Variants in ANKS1B observed in about 807,000 individuals in gnomAD.
ANKS1B encodes ankyrin repeat and sterile alpha motif domain-containing protein 1B.
ANKS1B carries 36 observed loss-of-function variants against 148.3 expected under a neutral mutation model. That is an observed-to-expected ratio of 0.24 (90% CI 0.19 to 0.32). The LOEUF (loss-of-function observed/expected upper bound fraction) is 0.32. Among genes scored for constraint, ANKS1B ranks in the 10% least tolerant of loss-of-function variants. The probability of loss-of-function intolerance (pLI) is 1.00; values close to 1 mark genes in which losing one functional copy is unlikely to be tolerated. For synonymous variants in ANKS1B, 542 were observed against 560.8 expected (o/e 0.97, Z 0.47); for missense variants, 1,157 against 1,542.6 (o/e 0.75, Z 4.19).
At chr12:99,847,341 T>C (rs2086846672) in intron 1 of ANKS1B, among the ~76,000 whole-genome samples, 1 of 152,122 alleles carries the variant, frequency 6.6e-6, no homozygotes, top group Non-Finnish European at 1.5e-5. Flanking sequence ...CCATAAAAAA[T>C]AGAATTCCTC....
chr12:98,872,372 C>G (rs2099673210), intron 17 of ANKS1B, among the ~76,000 whole-genome samples: 1 of 152,078 alleles, frequency 6.6e-6, no homozygotes, highest in South Asian at 2.1e-4. Flanking sequence ...AACCCTGTCT[C>G]TACTAAAAAT....
chr12:99,818,630 G>A (rs2082154315), intron 2 of ANKS1B, among the ~76,000 whole-genome samples: 1 of 151,426 alleles, frequency 6.6e-6, no homozygotes, highest in African/African-American at 2.4e-5. Context: ...TGGTTGACAA[G>A]AAAATAGAAA....
At chr12:99,453,213 C>T (rs564823872) in intron 10 of ANKS1B, among the ~76,000 whole-genome samples, 4 of 151,996 alleles carry the variant, frequency 2.6e-5, no homozygotes, top group Non-Finnish European at 5.9e-5. Context: ...TGGTGTGAAC[C>T]CGGGAAGCAG....
intron 17 of ANKS1B, among the ~76,000 whole-genome samples, chr12:99,038,326 C>A (rs1185596219): frequency 6.6e-6 from 1 of 152,152 alleles, no homozygotes; most frequent in Non-Finnish European, 1.5e-5. Flanking sequence ...TTCCACCGAT[C>A]CTTAATTCCT....
chr12:99,846,959 T>G (rs2086770653), intron 1 of ANKS1B, among the ~76,000 whole-genome samples: 1 of 152,088 alleles, frequency 6.6e-6, no homozygotes, highest in Non-Finnish European at 1.5e-5. Context: ...CTTCCCAAAG[T>G]TCACAGAAAG....
chr12:99,650,358 G>GAC (rs1555528830), intron 9 of ANKS1B, among the ~76,000 whole-genome samples: 1 of 90,422 alleles, frequency 1.1e-5, no homozygotes, highest in African/African-American at 3.6e-5. Flanking sequence ...TTAACTGTGA[G>GAC]TTTCAGTAGA....
intron 12 of ANKS1B, among the ~76,000 whole-genome samples, chr12:99,305,743 T>C (rs1471324032): frequency 6.6e-6 from 1 of 152,086 alleles, no homozygotes; most frequent in Non-Finnish European, 1.5e-5. Flanking sequence ...GAGCCTAGAA[T>C]CAAAGAAGCC....
chr12:99,080,144 G>A (rs758265221), intron 16 of ANKS1B, among the ~76,000 whole-genome samples: 2 of 152,204 alleles, frequency 1.3e-5, no homozygotes, highest in Non-Finnish European at 2.9e-5. Context: ...TTGCTTGGCC[G>A]CCTTGCAATA....
intron 12 of ANKS1B, among the ~76,000 whole-genome samples, chr12:99,270,882 G>A (rs566818343): frequency 5.9e-4 from 89 of 152,032 alleles, no homozygotes; most frequent in Non-Finnish European, 8.2e-4. Context: ...TTTAATATGC[G>A]TTAAAACAAA....
intron 8 of ANKS1B, among the ~76,000 whole-genome samples, chr12:99,770,778 A>G (rs2063119240): frequency 6.6e-6 from 1 of 152,036 alleles, no homozygotes; most frequent in South Asian, 2.1e-4. Flanking sequence ...TGTAAACTCT[A>G]TTCTTCCAAA....
chr12:98,950,232 C>T (rs77056082), intron 17 of ANKS1B, among the ~76,000 whole-genome samples: 17,128 of 152,156 alleles, frequency 0.11, 1,229 homozygotes, highest in African/African-American at 0.19. Flanking sequence ...TATAGTGGCT[C>T]ATGCCTGTAA....
intron 12 of ANKS1B, among the ~76,000 whole-genome samples, chr12:99,391,297 G>A (rs1456663558): frequency 6.6e-6 from 1 of 152,106 alleles, no homozygotes; most frequent in African/African-American, 2.4e-5. Context: ...TTGCTCTTAG[G>A]ATAAATACCA....
intron 17 of ANKS1B, among the ~76,000 whole-genome samples, chr12:98,957,236 G>T (rs866575269): frequency 2.6e-5 from 4 of 152,024 alleles, no homozygotes; most frequent in South Asian, 2.1e-4. Flanking sequence ...ATAAGCAATT[G>T]TTAACTTGCT....
intron 14 of ANKS1B, among the ~76,000 whole-genome samples, chr12:99,225,084 T>C (rs940607510): frequency 1.3e-5 from 2 of 152,146 alleles, no homozygotes; most frequent in Non-Finnish European, 2.9e-5. Flanking sequence ...AGAAAAGTCT[T>C]TACAGAAGCA....
At chr12:99,648,167 A>AT in intron 9 of ANKS1B, 1 of 1,592,190 alleles carries the variant, frequency 6.3e-7, no homozygotes, top group Non-Finnish European at 8.6e-7. Context: ...CTTGATTTAA[A>AT]GGAAGACATG....
chr12:99,522,562 G>C (rs2096885462), intron 9 of ANKS1B, among the ~76,000 whole-genome samples: 1 of 152,146 alleles, frequency 6.6e-6, no homozygotes, highest in African/African-American at 2.4e-5. Flanking sequence ...AACTATCAGT[G>C]GTGGGCAGAA....
At chr12:98,906,232 T>G (rs759717488) in intron 17 of ANKS1B, among the ~76,000 whole-genome samples, 2 of 152,178 alleles carry the variant, frequency 1.3e-5, no homozygotes, top group Non-Finnish European at 2.9e-5. Context: ...AATCACTGAA[T>G]GCTCTTATAA....
At chr12:99,786,251 C>A (rs1301812116) in intron 4 of ANKS1B, among the ~76,000 whole-genome samples, 1 of 152,096 alleles carries the variant, frequency 6.6e-6, no homozygotes, top group East Asian at 1.9e-4. Flanking sequence ...AAATAGAATT[C>A]CCCACAGCCT....
At chr12:99,058,487 G>A (rs185376683) in intron 16 of ANKS1B, among the ~76,000 whole-genome samples, 80 of 151,724 alleles carry the variant, frequency 5.3e-4, no homozygotes, top group Admixed American at 1.0e-3. Context: ...GAGCTCAAGC[G>A]ATCTGCCTGC....
Sources: allele counts gnomAD v4.1 joint callset (sites outside exome capture counted in the v4.1 genomes callset), GRCh38; gene constraint gnomAD v4.1.1; transcripts MANE v1.5; gene names NCBI Gene and HGNC (gene_info 2026-07-23, HGNC 2026-07-21).